The following SRGAP3 variants were observed in gnomAD, a reference collection of about 807,000 sequenced individuals.
SRGAP3 encodes the protein SLIT-ROBO Rho GTPase activating protein 3.
A neutral mutation model predicts 121.1 loss-of-function variants in SRGAP3; 39 were observed. That is an observed-to-expected ratio of 0.32 (90% confidence interval 0.25 to 0.42). SRGAP3 has a LOEUF of 0.42. Among genes scored for constraint, SRGAP3 ranks in the 10% least tolerant of loss-of-function variants. The pLI is 1.00. For synonymous variants in SRGAP3, 601 were observed against 570.0 expected, an observed-to-expected ratio of 1.05 and a Z score of -0.77; for missense variants, 1,213 against 1,470.6, an observed-to-expected ratio of 0.82 and a Z score of 2.86.
chr3:9,163,933 T>C (rs1950689008), intron 1 of SRGAP3, among the ~76,000 whole-genome samples: 1 of 151,404 alleles, frequency 6.6e-6, no homozygotes, highest in African/African-American at 2.4e-5. Context: ...CCAGGCACCG[T>C]ATGAAGCTCC....
intron 3 of SRGAP3, among the ~76,000 whole-genome samples, chr3:9,322,468 T>G (rs1029253839): frequency 1.3e-5 from 2 of 151,748 alleles, no homozygotes; most frequent in African/African-American, 2.4e-5. Flanking sequence ...CTGGTGCCAG[T>G]CCCCGTGGCC....
At chr3:9,294,826 T>C (rs181473873) in intron 3 of SRGAP3, among the ~76,000 whole-genome samples, 1 of 152,176 alleles carries the variant, frequency 6.6e-6, no homozygotes, top group East Asian at 1.9e-4. Flanking sequence ...AATCTCTTTA[T>C]TTGATGACCT....
intron 7 of SRGAP3, among the ~76,000 whole-genome samples, chr3:9,057,391 T>A (rs574699655): frequency 6.6e-6 from 1 of 152,356 alleles, no homozygotes; most frequent in East Asian, 1.9e-4. Context: ...CGGTCACCAG[T>A]GGTCACCATG....
intron 10 of SRGAP3, among the ~76,000 whole-genome samples, chr3:9,041,870 G>A (rs1322498328): frequency 1.3e-4 from 20 of 152,156 alleles, no homozygotes; most frequent in South Asian, 4.1e-4. Context: ...GGAGGCCGAC[G>A]TGGGTGAATC....
At chr3:9,331,983 G>C (rs923880237) in intron 1 of SRGAP3, among the ~76,000 whole-genome samples, 1 of 152,186 alleles carries the variant, frequency 6.6e-6, no homozygotes. Context: ...ATTTGTTATA[G>C]AGCAATAGCT....
At chr3:9,017,566 T>G (rs1943701684) in intron 14 of SRGAP3, among the ~76,000 whole-genome samples, 1 of 152,168 alleles carries the variant, frequency 6.6e-6, no homozygotes, top group Non-Finnish European at 1.5e-5. Context: ...GATCAGTGGT[T>G]GCCTAGGGCT....
intron 1 of SRGAP3, among the ~76,000 whole-genome samples, chr3:9,174,053 A>C (rs1392134844): frequency 6.6e-6 from 1 of 152,140 alleles, no homozygotes; most frequent in Non-Finnish European, 1.5e-5. Context: ...TCAGCCTTCA[A>C]AAGGAAGAGA....
At position 8,987,223 on chromosome 3, in the gene SRGAP3, A is replaced by AT. The variant is rs567258001; in HGVS notation, c.2887-1292dup. On this transcript the variant is annotated intron_variant, in intron 21 of 21. Coordinates refer to ENST00000383836, the MANE Select transcript of SRGAP3 (RefSeq NM_014850.4). ...TAGCCCAAGAGCCCCATGGGTTCCC[A>AT]TGACTGTTGACTGGGATGCCTCCGC... 2.6e-4 allele frequency among the ~76,000 whole-genome samples: 39 copies of AT among 152,290 alleles called. No homozygotes were observed. The East Asian group carries it at 5.0e-3, about 20-fold the overall frequency.
At chr3:9,071,894 G>T (rs532967368) in intron 4 of SRGAP3, among the ~76,000 whole-genome samples, 1 of 152,196 alleles carries the variant, frequency 6.6e-6, no homozygotes, top group Non-Finnish European at 1.5e-5. Flanking sequence ...AAGACAGTTG[G>T]GGTCTCTGGC....
At chr3:9,083,801 G>C (rs1403770617) in intron 3 of SRGAP3, among the ~76,000 whole-genome samples, 1 of 152,098 alleles carries the variant, frequency 6.6e-6, no homozygotes, top group East Asian at 1.9e-4. Context: ...CCCTGCTGCA[G>C]CTGGCTCCCT....
intron 8 of SRGAP3, among the ~76,000 whole-genome samples, chr3:9,054,466 A>G (rs1240180733): frequency 1.3e-5 from 2 of 152,250 alleles, no homozygotes; most frequent in African/African-American, 4.8e-5. Context: ...GAATCTGCCT[A>G]TGACCTGAAA....
At chr3:9,028,902 T>C (rs1260577603) in intron 12 of SRGAP3, among the ~76,000 whole-genome samples, 1 of 152,164 alleles carries the variant, frequency 6.6e-6, no homozygotes, top group Non-Finnish European at 1.5e-5. Flanking sequence ...CTGGGGCCTT[T>C]ACTTTCACTA....
At chr3:9,131,435 T>TTA (rs1949443437) in intron 1 of SRGAP3, among the ~76,000 whole-genome samples, 1 of 133,888 alleles carries the variant, frequency 7.5e-6, no homozygotes, top group African/African-American at 2.9e-5. Flanking sequence ...ATCTAATTCT[T>TTA]TTTTTTTTTT....
intron 1 of SRGAP3, among the ~76,000 whole-genome samples, chr3:9,241,909 C>T (rs1953653546): frequency 6.6e-6 from 1 of 150,928 alleles, no homozygotes; most frequent in Non-Finnish European, 1.5e-5. Flanking sequence ...AGACCCCATC[C>T]CTACCAAAAA....
intron 14 of SRGAP3, among the ~76,000 whole-genome samples, chr3:9,023,702 A>G (rs1010526563): frequency 1.3e-5 from 2 of 152,094 alleles, no homozygotes; most frequent in Non-Finnish European, 2.9e-5. Flanking sequence ...ATTACCTTGT[A>G]TGGTATAGGG....
At position 8,984,058 on chromosome 3, in the gene SRGAP3, C is replaced by T. The variant is rs75265557; in HGVS notation, c.*1461G>A. ...ATCAGAAGAGGAGGTAAAATGGAAT[C>T]GAAGGAGAGCGACCCGGAAGGGCTT... is the stretch of plus-strand genomic sequence containing the variant. On this transcript the variant is annotated 3_prime_UTR_variant, in exon 22 of 22. Transcript: ENST00000383836. 12 of 231,678 alleles carry T rather than the reference C, an allele frequency of 5.2e-5. No homozygotes were observed. Among genetic ancestry groups the T allele is most frequent in the South Asian group, 1.8e-4 (1 of 5,514 alleles). The allele number at this position is 231,678 out of a possible 1,614,324, so 14.4% of individuals were successfully genotyped here. A position where few individuals can be genotyped will look rare whatever the true frequency, so the allele number is the denominator to read the frequency against.
At chr3:9,275,064 C>T (rs1276777340) in intron 3 of SRGAP3, among the ~76,000 whole-genome samples, 1 of 152,164 alleles carries the variant, frequency 6.6e-6, no homozygotes, top group Non-Finnish European at 1.5e-5. Context: ...CAGGGACCTG[C>T]CCTCTTCTGC....
chr3:9,344,507 C>T (rs558306766), intron 1 of SRGAP3, among the ~76,000 whole-genome samples: 1 of 152,172 alleles, frequency 6.6e-6, no homozygotes, highest in African/African-American at 2.4e-5. Flanking sequence ...CGGCAGGCAC[C>T]TATAATCCCC....
chr3:9,348,293 A>C (rs1955943341), intron 1 of SRGAP3: 1 of 361,546 alleles, frequency 2.8e-6, no homozygotes, highest in Admixed American at 3.7e-5. Context: ...GCAATGACTA[A>C]GGAAGAGAGA....
Sources: gnomAD v4.1 joint callset for allele counts (sites outside exome capture counted in the v4.1 genomes callset) on GRCh38, gnomAD v4.1.1 for gene constraint, MANE v1.5 for transcripts, NCBI Gene and HGNC (gene_info 2026-07-23, HGNC 2026-07-21) for gene names.